Variants in HTR2C observed in about 807,000 individuals in gnomAD.
HTR2C encodes 5-hydroxytryptamine receptor 2C.
HTR2C carries 5 observed loss-of-function variants against 21.0 expected under a neutral mutation model. The ratio of observed to expected loss-of-function variants is 0.24; its 90% confidence interval spans 0.12 to 0.50. The LOEUF (loss-of-function observed/expected upper bound fraction) is 0.50. HTR2C is among the 20% of genes least tolerant of loss of function. HTR2C has a pLI of 0.98. For synonymous variants in HTR2C, 150 were observed against 145.3 expected (o/e 1.03, Z -0.23); for missense variants, 271 against 371.2 (o/e 0.73, Z 2.22).
chrX:114,664,451 T>C (rs1346936100), intron 2 of HTR2C, among the ~76,000 whole-genome samples: 1 of 111,766 alleles, frequency 8.9e-6, no homozygotes, highest in Non-Finnish European at 1.9e-5. Flanking sequence ...CTCCCACTTA[T>C]AAGTGAGAAC....
At chrX:114,771,003 T>C (rs1181783941) in intron 4 of HTR2C, among the ~76,000 whole-genome samples, 2 of 110,343 alleles carry the variant, frequency 1.8e-5, no homozygotes, top group Non-Finnish European at 3.8e-5. Context: ...GGTTTCACCA[T>C]GTTGGTCAGG....
At chrX:114,787,409 G>A (rs1254312299) in intron 4 of HTR2C, among the ~76,000 whole-genome samples, 3 of 111,667 alleles carry the variant, frequency 2.7e-5, no homozygotes, top group African/African-American at 9.8e-5. Flanking sequence ...AGCAGGTCAC[G>A]AAAAATTGGG....
intron 1 of HTR2C, among the ~76,000 whole-genome samples, chrX:114,594,239 A>G (rs1476955776): frequency 9.0e-6 from 1 of 111,559 alleles, no homozygotes; most frequent in East Asian, 2.8e-4. Flanking sequence ...AGTTAATCTA[A>G]TATATAAAAA....
intron 4 of HTR2C, among the ~76,000 whole-genome samples, chrX:114,805,834 CCATATATACCATATATAT>C: frequency 1.3e-5 from 1 of 75,218 alleles, no homozygotes; most frequent in African/African-American, 5.8e-5. Context: ...CATATATATA[CCATATATACCATATATAT>C]ACCATATATA....
At chrX:114,834,912 A>G (rs2070766423) in intron 4 of HTR2C, among the ~76,000 whole-genome samples, 1 of 105,369 alleles carries the variant, frequency 9.5e-6, no homozygotes, top group East Asian at 3.0e-4. Flanking sequence ...TGGTGACAAA[A>G]TCTCTCAGCA....
At chrX:114,822,628 A>T (rs1556456721) in intron 4 of HTR2C, among the ~76,000 whole-genome samples, 1 of 112,518 alleles carries the variant, frequency 8.9e-6, no homozygotes. Flanking sequence ...TCAGCTTGAA[A>T]GGAGGTAGCT....
intron 2 of HTR2C, among the ~76,000 whole-genome samples, chrX:114,632,582 A>G (rs1228959060): frequency 8.9e-6 from 1 of 111,998 alleles, no homozygotes; most frequent in African/African-American, 3.2e-5. Context: ...GATTAATATA[A>G]TGAGTTCTTT....
chrX:114,760,390 G>A (rs1003756619), intron 4 of HTR2C, among the ~76,000 whole-genome samples: 1 of 111,432 alleles, frequency 9.0e-6, no homozygotes, highest in Admixed American at 9.5e-5. Flanking sequence ...ACAAGTACAC[G>A]GAGTCAATTC....
intron 4 of HTR2C, among the ~76,000 whole-genome samples, chrX:114,733,751 T>C (rs2069560347): frequency 9.0e-6 from 1 of 110,936 alleles, no homozygotes; most frequent in Admixed American, 9.7e-5. Flanking sequence ...AAACCATACT[T>C]TGATACACAA....
chrX:114,673,836 CTT>C (rs1225342948), intron 2 of HTR2C, among the ~76,000 whole-genome samples: 1 of 111,386 alleles, frequency 9.0e-6, no homozygotes, highest in African/African-American at 3.3e-5. Flanking sequence ...ATTGTGGAAA[CTT>C]TTTTTGCTAT....
At chrX:114,694,777 A>G (rs1556415646) in intron 2 of HTR2C, among the ~76,000 whole-genome samples, 1 of 111,269 alleles carries the variant, frequency 9.0e-6, no homozygotes, top group Non-Finnish European at 1.9e-5. Context: ...TACAGGCGTG[A>G]GCCACCATGC....
intron 2 of HTR2C, among the ~76,000 whole-genome samples, chrX:114,701,448 A>C (rs782255320): frequency 1.8e-5 from 2 of 111,989 alleles, no homozygotes; most frequent in South Asian, 7.5e-4. Context: ...AACCAGGCAA[A>C]CAGGGTCTGG....
At chrX:114,661,129 T>G (rs1183988122) in intron 2 of HTR2C, among the ~76,000 whole-genome samples, 1 of 112,243 alleles carries the variant, frequency 8.9e-6, no homozygotes, top group Admixed American at 9.5e-5. Flanking sequence ...GTTTCTTGCC[T>G]TCGGAAGTAG....
intron 4 of HTR2C, chrX:114,823,531 T>C: frequency 2.9e-6 from 1 of 345,191 alleles, no homozygotes; most frequent in South Asian, 2.6e-5. Context: ...TGGTTGCATA[T>C]GTAGGATGTC....
intron 4 of HTR2C, among the ~76,000 whole-genome samples, chrX:114,820,977 C>T (rs2070627492): frequency 9.0e-6 from 1 of 111,514 alleles, no homozygotes; most frequent in Non-Finnish European, 1.9e-5. Flanking sequence ...CATTATTCTG[C>T]AGAGTGAACT....
intron 2 of HTR2C, among the ~76,000 whole-genome samples, chrX:114,653,859 ATCTGACT>A (rs1461187846): frequency 2.9e-4 from 32 of 111,121 alleles, no homozygotes; most frequent in Non-Finnish European, 5.5e-4. Flanking sequence ...AGGAAGATTA[ATCTGACT>A]TCTGAATGTA....
intron 4 of HTR2C, among the ~76,000 whole-genome samples, chrX:114,819,961 C>T (rs2147457997): frequency 9.0e-6 from 1 of 111,190 alleles, no homozygotes; most frequent in South Asian, 3.7e-4. Context: ...CTTATTGTCA[C>T]ATAGAGTCTG....
chrX:114,770,618 T>C (rs1556436819), intron 4 of HTR2C, among the ~76,000 whole-genome samples: 1 of 110,852 alleles, frequency 9.0e-6, no homozygotes, highest in African/African-American at 3.3e-5. Context: ...ATTATCATCA[T>C]AGTTTTCTTT....
Position 114,644,362 on chromosome X carries a change from AATATATATATAT to A in HTR2C, c.-80+30516_-80+30527del, listed in dbSNP as rs782451317. On this transcript the variant is annotated intron_variant, in intron 2 of 5. Coordinates refer to ENST00000276198, the MANE Select transcript of HTR2C (RefSeq NM_000868.4). Reference sequence around the variant, plus strand: ...TCCATCTAAAATAAATAAATAAATAAATATATATATATATATATATATATATATATATATATA... The same window carrying A: ...TCCATCTAAAATAAATAAATAAATAAATATATATATATATATATATATATA... Among the ~76,000 whole-genome samples the A allele has an allele frequency of 2.7e-3, 102 of 38,238 alleles. 2 individuals carry two copies. Among genetic ancestry groups the A allele is most frequent in the African/African-American group, 0.012 (93 of 7,750 alleles). The allele number at this position is 38,238 out of a possible 115,157, so 33.2% of individuals were successfully genotyped here.
Sources: allele counts gnomAD v4.1 joint callset (sites outside exome capture counted in the v4.1 genomes callset), GRCh38; gene constraint gnomAD v4.1.1; transcripts MANE v1.5; gene names NCBI Gene and HGNC (gene_info 2026-07-23, HGNC 2026-07-21).